Variants in TAF6L observed in about 807,000 individuals in gnomAD.
TAF6L encodes the protein TATA-box binding protein associated factor 6 like, also known as TAF6-like RNA polymerase II p300/CBP-associated factor-associated factor 65 kDa subunit 6L.
A neutral mutation model predicts 57.3 loss-of-function variants in TAF6L; 34 were observed. The ratio of observed to expected loss-of-function variants is 0.59; its 90% CI spans 0.45 to 0.79. The LOEUF (loss-of-function observed/expected upper bound fraction) is 0.79, where lower values mean the gene tolerates loss of function less well. Ranked by LOEUF, TAF6L falls within the 30% of genes least tolerant of loss-of-function variation. The probability of loss-of-function intolerance (pLI) is 0.00; values close to 1 mark genes in which losing one functional copy is unlikely to be tolerated. For missense variants in TAF6L, 782 were observed against 853.2 expected (o/e 0.92, Z 1.04); for synonymous variants, 417 against 376.3 (o/e 1.11, Z -1.25).
chr11:62,775,102 A>G (rs1382595655), intron 1 of TAF6L, among the ~76,000 whole-genome samples: 1 of 152,000 alleles, frequency 6.6e-6, no homozygotes, highest in Non-Finnish European at 1.5e-5. Context: ...GTAATGTATA[A>G]AGGAAAGAGG....
rs1475199911 is a variant in TAF6L, at chr11:62,778,979, C to T, written c.531+16C>T. On this transcript the variant is annotated intron_variant, in intron 6 of 10. Transcript: ENST00000294168. The stretch of plus-strand genomic sequence containing the variant: ...ACTGATGAAGGTGAGCGAGTGGGCC[C>T]AAGTTGGGGCACAAAGTTGAAATTG... The T allele has an allele frequency of 6.3e-7, 1 of 1,583,344 alleles. No individual in the cohort carries two copies. Among genetic ancestry groups the T allele is most frequent in the Admixed American group, 1.7e-5 (1 of 59,746 alleles).
chr11:62,778,141 G>T lies in TAF6L; in HGVS notation c.385+13G>T. ...ACAGCTGTCAGAGGTGGCTGCCGGG[G>T]TCCTGCATGGGTTGGGGATGGGAGT... On this transcript the variant is annotated intron_variant, in intron 4 of 10. Transcript: ENST00000294168. 6.2e-7 allele frequency: 1 copy of T among 1,614,162 alleles called. No homozygotes were observed. The highest frequency in any genetic ancestry group is 8.5e-7 in the Non-Finnish European group (1 of 1,180,036).
At chr11:62,781,744 A>G (rs752220420) in intron 6 of TAF6L, 150 bp from the exon 7 acceptor site, 6 of 714,472 alleles carry the variant, frequency 8.4e-6, no homozygotes, top group Admixed American at 2.1e-5. Flanking sequence ...TGTAGGTTAC[A>G]TTTATAGAAA....
In TAF6L at chr11:62,774,909, AAT is replaced by A. The variant is rs1287422598; in HGVS notation, c.-13-861_-13-860del. On this transcript the variant is annotated intron_variant, in intron 1 of 10. Transcript: ENST00000294168. Reference sequence around the variant, plus strand: ...TCCGTCTCAAAAAAAAAAAAAAAAAAATTTAGCCATCCGGGCGTGGTGGCAGG... The same window carrying A: ...TCCGTCTCAAAAAAAAAAAAAAAAAATTAGCCATCCGGGCGTGGTGGCAGG... 8.2e-4 allele frequency among the ~76,000 whole-genome samples: 123 copies of A among 149,664 alleles called. 8 individuals carry two copies. The highest frequency in any genetic ancestry group is 2.4e-3 in the African/African-American group (100 of 40,918).
Position 62,777,975 on chromosome 11 carries a change from C to T in TAF6L, c.235-3C>T, listed in dbSNP as rs1288042293. 9.3e-6 allele frequency: 15 copies of T among 1,613,276 alleles called. No individual in the cohort carries two copies. The South Asian group carries it at 1.5e-4, about 17-fold the overall frequency. Reference sequence around the variant, plus strand: ...GCTGCTCTCCAATTCCCTTTTTCCTCAGGCTGTGTGTGGTTACGGATCACA... The same window carrying T: ...GCTGCTCTCCAATTCCCTTTTTCCTTAGGCTGTGTGTGGTTACGGATCACA... On this transcript the variant is annotated splice_polypyrimidine_tract_variant and splice_region_variant and intron_variant, in intron 3 of 10. Transcript: ENST00000294168.
intron 6 of TAF6L, among the ~76,000 whole-genome samples, chr11:62,779,976 A>ATTTTTTTTTTTTTT (rs1277954265): frequency 5.7e-5 from 3 of 52,626 alleles, no homozygotes; most frequent in South Asian, 6.2e-4. Flanking sequence ...ATATATATAT[A>ATTTTTTTTTTTTTT]TTTTTTTTTT....
chr11:62,771,963 G>A (rs1187246353), intron 1 of TAF6L: 1 of 368,322 alleles, frequency 2.7e-6, no homozygotes, highest in African/African-American at 2.1e-5. Flanking sequence ...TCTTTGGGGT[G>A]GGATCCAGGC....
intron 6 of TAF6L, among the ~76,000 whole-genome samples, chr11:62,779,976 A>ATATATATATATATTT (rs1294367864): frequency 1.9e-5 from 1 of 52,632 alleles, no homozygotes; most frequent in African/African-American, 7.7e-5. Flanking sequence ...ATATATATAT[A>ATATATATATATATTT]TTTTTTTTTT....
chr11:62,778,197 G>A (rs2084201424), intron 4 of TAF6L, 69 bp downstream of exon 4: 1 of 1,613,502 alleles, frequency 6.2e-7, no homozygotes, highest in South Asian at 1.1e-5. Context: ...TGATGGGCTG[G>A]CTGGTGGAAG....
intron 9 of TAF6L, among the ~76,000 whole-genome samples, chr11:62,784,933 A>G (rs2084259046): frequency 6.6e-6 from 1 of 152,160 alleles, no homozygotes; most frequent in African/African-American, 2.4e-5. Context: ...TCAGGGTTAT[A>G]CTGGCCTTAC....
At chr11:62,783,755 ACTC>A (rs979283931) in intron 9 of TAF6L, among the ~76,000 whole-genome samples, 5 of 151,282 alleles carry the variant, frequency 3.3e-5, no homozygotes, top group Admixed American at 3.3e-4. Context: ...CTGGTCTCAA[ACTC>A]CTAGCCTCAA....
Position 62,771,502 on chromosome 11 carries a change from T to G in TAF6L, c.-14+12T>G, listed in dbSNP as rs1404581652. On this transcript the variant is annotated intron_variant, in intron 1 of 10. Transcript: ENST00000294168. ...GCCGGGGTCTTCAGGTGAGCAGGCC[T>G]TGCTCTGGTCCAAGGACTCCCCATT... 6.4e-6 allele frequency: 1 copy of G among 156,844 alleles called. No individual in the cohort carries two copies. Among genetic ancestry groups the G allele is most frequent in the Non-Finnish European group, 1.4e-5 (1 of 70,230 alleles). 9.7% of individuals were successfully genotyped at this position (156,844 alleles called of 1,614,324 possible). A position where few individuals can be genotyped will look rare whatever the true frequency, so the allele number is the denominator to read the frequency against.
In TAF6L at chr11:62,786,364, A is replaced by T; in HGVS notation, c.1065A>T (p.Gly355=). 1 of 1,614,140 alleles carries T rather than the reference A, an allele frequency of 6.2e-7. No homozygotes were observed. Among genetic ancestry groups the T allele is most frequent in the Non-Finnish European group, 8.5e-7 (1 of 1,179,992 alleles). The change falls in exon 10 of 11, where the codon GGA becomes GGT. Residue 355 remains glycine, a synonymous_variant. Transcript: ENST00000294168. ...SVSNAQVKAD[G]HKVYGAILVA... ...CTAATGCCCAGGTCAAAGCAGATGG[A>T]CACAAAGTCTATGGAGCCATTCTGG...
rs370454121 is a variant in TAF6L at position 62,786,430 on chromosome 11, T to TG, written c.1089+42_1089+43insG. 1.4e-5 allele frequency: 23 copies of TG among 1,602,074 alleles called. No individual in the cohort carries two copies. In the African/African-American group the frequency reaches 2.5e-4, roughly 18 times the overall value. On this transcript the variant is annotated intron_variant, in intron 10 of 10. Transcript: ENST00000294168. ...TCCAGCCTCCCTTCCCTGCATGAGC[T>TG]TAGCAGCCAAGCAGGCTTACTTTGG... is the stretch of plus-strand genomic sequence containing the variant.
At position 62,782,347 on chromosome 11, in the gene TAF6L, C is replaced by T. The variant is rs2084236583; in HGVS notation, c.827+14C>T. On this transcript the variant is annotated intron_variant, in intron 8 of 10. Coordinates refer to ENST00000294168, the MANE Select transcript of TAF6L (RefSeq NM_006473.4). ...CCACATCTTCTGGTAGCCACTGGGCCTAAACCTGCGGGTGGGATTGCTGCA... is the reference window on the plus strand; with the variant it reads ...CCACATCTTCTGGTAGCCACTGGGCTTAAACCTGCGGGTGGGATTGCTGCA... 3 of 1,611,208 alleles carry T rather than the reference C, an allele frequency of 1.9e-6. No homozygotes were observed. Among genetic ancestry groups the T allele is most frequent in the Non-Finnish European group, 2.5e-6 (3 of 1,179,244 alleles).
intron 1 of TAF6L, among the ~76,000 whole-genome samples, chr11:62,774,371 C>T (rs1335177061): frequency 1.3e-5 from 2 of 152,166 alleles, no homozygotes; most frequent in Non-Finnish European, 2.9e-5. Flanking sequence ...CCACCGCGCC[C>T]GGCCCAAATT....
chr11:62,776,005 T>G, intron 2 of TAF6L, 75 bp downstream of exon 2: 1 of 1,506,606 alleles, frequency 6.6e-7, no homozygotes, highest in Non-Finnish European at 8.9e-7. Context: ...CCCTCGCTGA[T>G]TTATTCAAGT....
intron 6 of TAF6L, 139 bp downstream of exon 6, chr11:62,779,102 C>T (rs145037175): frequency 4.6e-6 from 3 of 658,310 alleles, no homozygotes; most frequent in Non-Finnish European, 7.8e-6. Context: ...CTCACCGCAC[C>T]CTCTGCCTCC....
In TAF6L at chr11:62,786,584, G is replaced by A; in HGVS notation, c.1157G>A (p.Gly386Asp). 6.4e-7 allele frequency: 1 copy of A among 1,574,280 alleles called. No individual in the cohort carries two copies. Among genetic ancestry groups the A allele is most frequent in the South Asian group, 1.2e-5 (1 of 84,182 alleles). ...AAEPNRGGPGGRGCRRLDDLP... is the reference protein window; with the variant it reads ...AAEPNRGGPGDRGCRRLDDLP... The stretch of plus-strand genomic sequence containing the variant: ...GAGCCCAACAGGGGTGGCCCAGGTG[G>A]CAGGGGGTGCCGGCGCCTGGACGAC... The change falls in exon 11 of 11, where the codon GGC becomes GAC. Residue 386 changes from glycine (G) to aspartate (D), a missense_variant. Around this residue, in one of 3 missense-constraint regions of TAF6L, gnomAD observed 483 missense variants for 445.1 expected, o/e 1.09. Transcript: ENST00000294168.
Sources: gnomAD v4.1 joint callset for allele counts (sites outside exome capture counted in the v4.1 genomes callset) on GRCh38, gnomAD v4.1.1 for gene constraint, gnomAD v4.1.1 regional missense constraint, MANE v1.5 for transcripts, NCBI Gene and HGNC (gene_info 2026-07-23, HGNC 2026-07-21) for gene names.